IKZF1: variants seen among roughly 807,000 people sequenced by gnomAD.
The protein encoded by IKZF1 is DNA-binding protein Ikaros.
IKZF1 carries 10 observed loss-of-function variants against 51.7 expected under a neutral mutation model. That is an observed-to-expected ratio of 0.19 (90% CI 0.12 to 0.33). The LOEUF is 0.33. Ranked by LOEUF, IKZF1 falls within the 10% of genes least tolerant of loss-of-function variation. The pLI, the probability that IKZF1 is intolerant of heterozygous loss-of-function variation, is 1.00. For synonymous variants in IKZF1, 280 were observed against 282.3 expected (o/e 0.99, Z 0.08); for missense variants, 484 against 707.5 (o/e 0.68, Z 3.58).
chr7:50,324,670 A>G (rs1366356445), intron 2 of IKZF1, among the ~76,000 whole-genome samples: 1 of 152,238 alleles, frequency 6.6e-6, no homozygotes, highest in South Asian at 2.1e-4. Context: ...AACTGAAGGC[A>G]GATGTAATTC....
At chr7:50,324,103 C>A (rs1159134727) in intron 2 of IKZF1, among the ~76,000 whole-genome samples, 1 of 152,186 alleles carries the variant, frequency 6.6e-6, no homozygotes, top group Non-Finnish European at 1.5e-5. Flanking sequence ...ATAATCCTTG[C>A]ATACTTTTAC....
chr7:50,401,043 C>T lies in IKZF1; in HGVS notation c.*416C>T, dbSNP rs544539665. ...GGTTCGCGCACCAGGTGTCTTTTTCCAGTCCCCAGAAGCAGAGAGCACAGC... is the reference window on the plus strand; with the variant it reads ...GGTTCGCGCACCAGGTGTCTTTTTCTAGTCCCCAGAAGCAGAGAGCACAGC... On this transcript the variant is annotated 3_prime_UTR_variant, in exon 8 of 8. Transcript: ENST00000331340. The T allele has an allele frequency of 6.2e-6, 2 of 321,972 alleles. No homozygotes were observed. Among genetic ancestry groups the T allele is most frequent in the South Asian group, 9.1e-5 (2 of 21,900 alleles). 19.9% of individuals were successfully genotyped at this position (321,972 alleles called of 1,614,324 possible).
chr7:50,314,437 A>G (rs1562712566), intron 1 of IKZF1, among the ~76,000 whole-genome samples: 2 of 152,210 alleles, frequency 1.3e-5, no homozygotes. Flanking sequence ...AGCTTGTAGA[A>G]TTACTGTGTG....
At chr7:50,353,054 C>G (rs1802268941) in intron 3 of IKZF1, among the ~76,000 whole-genome samples, 1 of 152,116 alleles carries the variant, frequency 6.6e-6, no homozygotes, top group East Asian at 1.9e-4. Context: ...TTGCTTAGAT[C>G]TTATGGTAGA....
intron 2 of IKZF1, among the ~76,000 whole-genome samples, chr7:50,324,385 G>T (rs1412472666): frequency 2.6e-5 from 4 of 152,110 alleles, no homozygotes; most frequent in Non-Finnish European, 5.9e-5. Flanking sequence ...CAGGGCCCTT[G>T]GTGGGCATGT....
chr7:50,350,503 G>C (rs1442462803), intron 3 of IKZF1, among the ~76,000 whole-genome samples: 1 of 152,202 alleles, frequency 6.6e-6, no homozygotes, highest in Middle Eastern at 3.2e-3. Flanking sequence ...GTTTGCTGCA[G>C]GTGACTTTGC....
At chr7:50,337,642 A>T (rs1269158807) in intron 3 of IKZF1, among the ~76,000 whole-genome samples, 1 of 152,210 alleles carries the variant, frequency 6.6e-6, no homozygotes, top group Non-Finnish European at 1.5e-5. Context: ...GAATGAATGA[A>T]TGGGAATGTG....
chr7:50,400,577 G>C lies in IKZF1; in HGVS notation c.1510G>C (p.Glu504Gln), dbSNP rs1382145921. ...CGGCTACCACAGCCAGGACCGGTAC[G>C]AGTTCTCGTCGCACATAACGCGAGG... ...MCGYHSQDRY[E>Q]FSSHITRGEH... is the part of the protein sequence containing the mutation. Residue 504 changes from glutamate (E) to glutamine (Q), a missense_variant, in exon 8 of 8, where the codon GAG (glutamate) becomes CAG (glutamine). By Grantham distance (29) the Glu-to-Gln change is conservative (BLOSUM62 2). This residue lies in a region of IKZF1 where 42 missense variants were observed against 84.4 expected (regional missense o/e 0.50). Transcript: ENST00000331340. This position sits in a 1 kb window ranked among gnomAD's most constrained non-coding sequence, Gnocchi z 5.4. The C allele has an allele frequency of 1.2e-6, 2 of 1,613,454 alleles. No homozygotes were observed. The highest frequency in any genetic ancestry group is 1.7e-6 in the Non-Finnish European group (2 of 1,179,944).
At position 50,382,722 on chromosome 7, in the gene IKZF1, T is replaced by C. The variant is rs7789106; in HGVS notation, c.589+15T>C. On this transcript the variant is annotated intron_variant, in intron 5 of 7. Coordinates refer to ENST00000331340, the MANE Select transcript of IKZF1 (RefSeq NM_006060.6). ...GACGCACTCCGGTAGGTCCCCTGGA[T>C]GCAGTCCGGGGCTGTCTGGGTGTCC... 26,147 of 1,599,030 alleles carry C rather than the reference T, an allele frequency of 0.016. 591 individuals carry two copies. Among genetic ancestry groups the C allele is most frequent in the African/African-American group, 0.11 (8,080 of 74,958 alleles).
At chr7:50,380,021 C>T (rs1562869512) in intron 4 of IKZF1, among the ~76,000 whole-genome samples, 1 of 152,232 alleles carries the variant, frequency 6.6e-6, no homozygotes, top group East Asian at 1.9e-4. Flanking sequence ...TTGACCTACT[C>T]AGCTGCAATA....
At position 50,400,857 on chromosome 7, in the gene IKZF1, C is replaced by G. The variant is rs115476644; in HGVS notation, c.*230C>G. 2,437 of 580,874 alleles carry G rather than the reference C, an allele frequency of 4.2e-3. 45 individuals are homozygous for G. The African/African-American group carries it at 0.042, about 10-fold the overall frequency. The allele number at this position is 580,874 out of a possible 1,614,324, so 36.0% of individuals were successfully genotyped here. A position where few individuals can be genotyped will look rare whatever the true frequency, so the allele number is the denominator to read the frequency against. On this transcript the variant is annotated 3_prime_UTR_variant, in exon 8 of 8. Coordinates refer to ENST00000331340, the MANE Select transcript of IKZF1 (RefSeq NM_006060.6). This position sits in a 1 kb window ranked among gnomAD's most constrained non-coding sequence, Gnocchi z 5.4. ...GCTGCATTGGGAGCATCCAGAACTG[C>G]TACCTTCCTAGATGTTTCCCCAGAC...
chr7:50,400,441 G>T lies in IKZF1; in HGVS notation c.1374G>T (p.Gln458His). The change falls in exon 8 of 8, where the codon CAG (glutamine) becomes CAT (histidine). Residue 458 changes from glutamine to histidine, a missense_variant. Transcript: ENST00000331340. The surrounding 1 kb of genome is among the most constrained non-coding windows in gnomAD (Gnocchi z 5.4). ...ALRVVSTSGE[Q>H]MKVYKCEHCR... Reference sequence around the variant, plus strand: ...GCGTGGTCAGCACCAGCGGGGAGCAGATGAAGGTGTACAAGTGCGAACACT... The same window carrying T: ...GCGTGGTCAGCACCAGCGGGGAGCATATGAAGGTGTACAAGTGCGAACACT... The T allele has an allele frequency of 6.2e-7, 1 of 1,614,000 alleles. No individual in the cohort carries two copies. Among genetic ancestry groups the T allele is most frequent in the Non-Finnish European group, 8.5e-7 (1 of 1,179,882 alleles).
At chr7:50,395,575 C>G (rs556348854) in intron 7 of IKZF1, among the ~76,000 whole-genome samples, 1 of 152,216 alleles carries the variant, frequency 6.6e-6, no homozygotes, top group South Asian at 2.1e-4. Flanking sequence ...TTTACATTGT[C>G]CAGCTTTGTA....
At chr7:50,391,376 A>G (rs939173591) in intron 6 of IKZF1, among the ~76,000 whole-genome samples, 3 of 152,226 alleles carry the variant, frequency 2.0e-5, no homozygotes, top group African/African-American at 7.2e-5. Context: ...GGACTGACTG[A>G]GGTAGCAGAT....
At chr7:50,355,994 T>A (rs183721967) in intron 3 of IKZF1, among the ~76,000 whole-genome samples, 2 of 152,346 alleles carry the variant, frequency 1.3e-5, no homozygotes, top group East Asian at 3.9e-4. Context: ...ACTGGTTATC[T>A]CCACGAACAG....
intron 7 of IKZF1, among the ~76,000 whole-genome samples, chr7:50,397,158 A>C (rs1816930521): frequency 6.6e-6 from 1 of 151,804 alleles, no homozygotes; most frequent in Non-Finnish European, 1.5e-5. Context: ...GCTTTGCCCT[A>C]CATCTCATGT....
intron 7 of IKZF1, among the ~76,000 whole-genome samples, chr7:50,393,271 G>A (rs1285933511): frequency 6.6e-6 from 1 of 152,110 alleles, no homozygotes; most frequent in Non-Finnish European, 1.5e-5. Flanking sequence ...ATAACACCAG[G>A]TTCTAGGAAA....
intron 3 of IKZF1, among the ~76,000 whole-genome samples, chr7:50,346,004 T>C (rs1001635511): frequency 1.3e-5 from 2 of 152,256 alleles, no homozygotes; most frequent in African/African-American, 4.8e-5. Flanking sequence ...TTTTGTGGGA[T>C]GCACTGACTG....
At chr7:50,344,240 A>G (rs1191196316) in intron 3 of IKZF1, among the ~76,000 whole-genome samples, 3 of 152,212 alleles carry the variant, frequency 2.0e-5, no homozygotes, top group Non-Finnish European at 4.4e-5. Flanking sequence ...GGTATTTCAA[A>G]AACTCATTAA....
Sources: allele counts gnomAD v4.1 joint callset (sites outside exome capture counted in the v4.1 genomes callset), GRCh38; gene constraint gnomAD v4.1.1; regional missense constraint gnomAD v4.1.1; non-coding constraint Gnocchi (gnomAD v3.1); transcripts MANE v1.5; gene names NCBI Gene and HGNC (gene_info 2026-07-23, HGNC 2026-07-21).